The following TPH2 variants were observed in gnomAD, a reference collection of about 807,000 sequenced individuals.
TPH2 encodes tryptophan 5-hydroxylase 2.
A neutral mutation model predicts 59.1 loss-of-function variants in TPH2; 27 were observed. That is an observed-to-expected ratio of 0.46 (90% confidence interval 0.34 to 0.63). The LOEUF (loss-of-function observed/expected upper bound fraction) is 0.63. Among genes scored for constraint, TPH2 ranks in the 30% least tolerant of loss-of-function variants. The probability of loss-of-function intolerance (pLI) is 0.01; values close to 1 mark genes in which losing one functional copy is unlikely to be tolerated. For missense variants in TPH2, 523 were observed against 588.3 expected, an observed-to-expected ratio of 0.89 and a Z score of 1.15; for synonymous variants, 220 against 210.5, an observed-to-expected ratio of 1.05 and a Z score of -0.39.
At chr12:71,989,311 C>G (rs1872522307) in intron 7 of TPH2, among the ~76,000 whole-genome samples, 1 of 152,216 alleles carries the variant, frequency 6.6e-6, no homozygotes. Context: ...CCCTTATCAT[C>G]TTATGCAGTG....
chr12:71,965,057 A>T (rs932404400), intron 5 of TPH2: 3 of 152,140 alleles, frequency 2.0e-5, no homozygotes, highest in Non-Finnish European at 4.4e-5. Flanking sequence ...CTGTTCCTTC[A>T]TTAGTTTGCT....
At position 71,973,504 on chromosome 12, in the gene TPH2, G is replaced by C. The variant is rs146494131; in HGVS notation, c.805+789G>C. Among the ~76,000 whole-genome samples, 59 of 152,244 alleles carry C rather than the reference G, an allele frequency of 3.9e-4. 1 individual carries two copies. In the East Asian group the frequency reaches 5.8e-3, roughly 15 times the overall value. ...AATTACCCTATATAGCCTAAAAAGG[G>C]GAGGAACCCTCAGTTCTGGGAATTG... On this transcript the variant is annotated intron_variant, in intron 6 of 10. Transcript: ENST00000333850.
In TPH2 at chr12:71,938,933, C is replaced by T; in HGVS notation, c.-54C>T. The T allele has an allele frequency of 6.9e-7, 1 of 1,457,052 alleles. No homozygotes were observed. The highest frequency in any genetic ancestry group is 2.3e-5 in the East Asian group (1 of 44,128). 90.3% of individuals were successfully genotyped at this position (1,457,052 alleles called of 1,614,324 possible). ...TTCCTCTCAATCTCCGCCAGCGCTG[C>T]TACTGCCCCTCTAGTACCCCCTGCT... On this transcript the variant is annotated 5_prime_UTR_variant, in exon 1 of 11. Transcript: ENST00000333850.
intron 6 of TPH2, among the ~76,000 whole-genome samples, chr12:71,973,567 C>G (rs1201424063): frequency 2.6e-5 from 4 of 152,174 alleles, no homozygotes; most frequent in Non-Finnish European, 5.9e-5. Context: ...ATAATCCATT[C>G]CTTGTTTAGC....
intron 8 of TPH2, among the ~76,000 whole-genome samples, chr12:72,010,238 T>C (rs1873064580): frequency 6.6e-6 from 1 of 152,186 alleles, no homozygotes; most frequent in Non-Finnish European, 1.5e-5. Context: ...GTGAACATGA[T>C]GTAAAGTGCT....
intron 9 of TPH2, among the ~76,000 whole-genome samples, chr12:72,025,849 C>T (rs948480807): frequency 6.6e-6 from 1 of 152,148 alleles, no homozygotes; most frequent in Non-Finnish European, 1.5e-5. Context: ...TTCTCTTTAT[C>T]CTGAGTTGAT....
intron 4 of TPH2, among the ~76,000 whole-genome samples, chr12:71,947,021 A>C (rs147590586): frequency 2.4e-3 from 370 of 152,276 alleles, no homozygotes; most frequent in African/African-American, 8.0e-3. Context: ...GTTCACTCAT[A>C]AGGTGTTTGT....
intron 7 of TPH2, among the ~76,000 whole-genome samples, chr12:71,990,376 C>T (rs928600242): frequency 1.3e-5 from 2 of 152,212 alleles, no homozygotes; most frequent in South Asian, 2.1e-4. Flanking sequence ...TTCAGCCCAA[C>T]AGACCTTAAT....
chr12:72,023,237 A>G (rs1454419817), intron 9 of TPH2, among the ~76,000 whole-genome samples: 1 of 152,224 alleles, frequency 6.6e-6, no homozygotes. Flanking sequence ...TAGTACTGAA[A>G]ATAATTTAAT....
intron 6 of TPH2, among the ~76,000 whole-genome samples, chr12:71,975,459 G>A (rs921672454): frequency 1.4e-4 from 21 of 152,116 alleles, no homozygotes; most frequent in African/African-American, 3.6e-4. Flanking sequence ...TGTTTTACAC[G>A]CTCAAGTCTG....
intron 7 of TPH2, among the ~76,000 whole-genome samples, 193 bp downstream of exon 7, chr12:71,979,280 A>T (rs1179985228): frequency 6.6e-6 from 1 of 152,150 alleles, no homozygotes; most frequent in Admixed American, 6.5e-5. Flanking sequence ...GGGGCCCCTG[A>T]TATTCCAGCT....
At chr12:71,994,026 CA>C (rs2139221376) in intron 7 of TPH2, among the ~76,000 whole-genome samples, 1 of 152,280 alleles carries the variant, frequency 6.6e-6, no homozygotes, top group South Asian at 2.1e-4. Flanking sequence ...ACTTTATTTA[CA>C]AAAACAGGCA....
intron 7 of TPH2, among the ~76,000 whole-genome samples, chr12:71,988,673 T>G (rs1421655925): frequency 6.6e-6 from 1 of 152,166 alleles, no homozygotes. Flanking sequence ...GGGTTTACAT[T>G]TTAACGTGAG....
chr12:71,965,796 G>A (rs184851134), intron 5 of TPH2, among the ~76,000 whole-genome samples: 261 of 152,238 alleles, frequency 1.7e-3, no homozygotes, highest in African/African-American at 5.4e-3. Flanking sequence ...CTTTTGCTGC[G>A]CAGAAGCAGT....
chr12:71,950,718 G>A (rs1427107730), intron 5 of TPH2, among the ~76,000 whole-genome samples: 1 of 152,128 alleles, frequency 6.6e-6, no homozygotes, highest in Non-Finnish European at 1.5e-5. Flanking sequence ...TACCCCAATT[G>A]AGAGTAGGTG....
Position 72,031,885 on chromosome 12 carries a change from C to G in TPH2, c.*190C>G. On this transcript the variant is annotated 3_prime_UTR_variant, in exon 11 of 11. Coordinates refer to ENST00000333850, the MANE Select transcript of TPH2 (RefSeq NM_173353.4). ...CCATAAGAAATCCAATGGCAGATAA[C>G]CACTCATTGTATGAAATAACGTATT... The G allele has an allele frequency of 1.5e-6, 1 of 657,242 alleles. No homozygotes were observed. The highest frequency in any genetic ancestry group is 2.7e-6 in the Non-Finnish European group (1 of 372,790). 40.7% of individuals were successfully genotyped at this position (657,242 alleles called of 1,614,324 possible).
At chr12:71,964,486 T>C in intron 5 of TPH2, 1 of 980,482 alleles carries the variant, frequency 1.0e-6, no homozygotes. Flanking sequence ...TTTTAGTTGA[T>C]GCAGAATATA....
intron 5 of TPH2, among the ~76,000 whole-genome samples, chr12:71,958,653 C>T (rs1871582608): frequency 6.6e-6 from 1 of 152,194 alleles, no homozygotes; most frequent in South Asian, 2.1e-4. Flanking sequence ...TCCCAGGCCC[C>T]ATGCTATTCT....
intron 7 of TPH2, among the ~76,000 whole-genome samples, chr12:71,985,579 A>G (rs1027552527): frequency 6.6e-6 from 1 of 151,980 alleles, no homozygotes; most frequent in Non-Finnish European, 1.5e-5. Context: ...TTGTATTTTT[A>G]GTATAGACAA....
Sources: gnomAD v4.1 joint callset for allele counts (sites outside exome capture counted in the v4.1 genomes callset) on GRCh38, gnomAD v4.1.1 for gene constraint, MANE v1.5 for transcripts, NCBI Gene and HGNC (gene_info 2026-07-23, HGNC 2026-07-21) for gene names.